The following CCDC175 variants were observed in gnomAD, a reference collection of about 807,000 sequenced individuals.
CCDC175 encodes coiled-coil domain containing 175.
Under a neutral mutation model 114.6 loss-of-function variants are expected in CCDC175, and 100 were observed. The observed-to-expected ratio is 0.87, with a 90% confidence interval of 0.74 to 1.03. The LOEUF (loss-of-function observed/expected upper bound fraction) is 1.03, where lower values mean the gene tolerates loss of function less well. Ranked by LOEUF, CCDC175 falls within the 50% of genes least tolerant of loss-of-function variation. CCDC175 has a pLI of 0.00. For missense variants in CCDC175, 880 were observed against 917.8 expected (o/e 0.96, Z 0.53); for synonymous variants, 306 against 308.7 (o/e 0.99, Z 0.09).
intron 14 of CCDC175, among the ~76,000 whole-genome samples, chr14:59,530,063 G>T (rs1342708423): frequency 6.6e-6 from 1 of 152,054 alleles, no homozygotes; most frequent in Admixed American, 6.5e-5. Flanking sequence ...AGGAAGAATG[G>T]CTGGGAAAGT....
At chr14:59,540,050 G>A (rs747767837) in intron 11 of CCDC175, among the ~76,000 whole-genome samples, 3 of 152,018 alleles carry the variant, frequency 2.0e-5, no homozygotes, top group Non-Finnish European at 2.9e-5. Flanking sequence ...CATCTTGGGC[G>A]ACAGAGCAAG....
chr14:59,535,286 G>A (rs1388620085), intron 13 of CCDC175, among the ~76,000 whole-genome samples: 1 of 152,216 alleles, frequency 6.6e-6, no homozygotes, highest in African/African-American at 2.4e-5. Context: ...GGAGGCTTGT[G>A]TGTAGTGGTT....
rs1392868884 is a variant in CCDC175 at position 59,531,916 on chromosome 14, A to G, written c.1624-6T>C. 7 of 1,095,796 alleles carry G rather than the reference A, an allele frequency of 6.4e-6. No individual in the cohort carries two copies. In the South Asian group the frequency reaches 1.0e-4, roughly 16 times the overall value. The allele number at this position is 1,095,796 out of a possible 1,614,324, so 67.9% of individuals were successfully genotyped here. Reference sequence around the variant, plus strand: ...GTTTCCTTAACAAATATTTCCTTTAAAGAAAATAAAATCAATTGAGAAATA... The same window carrying G: ...GTTTCCTTAACAAATATTTCCTTTAGAGAAAATAAAATCAATTGAGAAATA... On this transcript the variant is annotated splice_region_variant and splice_polypyrimidine_tract_variant and intron_variant, in intron 13 of 19. Transcript: ENST00000537690.
intron 9 of CCDC175, 121 bp downstream of exon 9, chr14:59,545,042 T>G (rs1895019800): frequency 9.7e-7 from 1 of 1,032,236 alleles, no homozygotes; most frequent in African/African-American, 1.6e-5. Context: ...GCAAATGTTT[T>G]CATTTTTGTC....
In CCDC175 at chr14:59,545,193, G is replaced by A. The variant is rs576464899; in HGVS notation, c.1142C>T (p.Ala381Val). Residue 381 changes from alanine (A) to valine (V), a missense_variant, in exon 9 of 20, where the codon GCT becomes GTT. By Grantham distance (64) the Ala-to-Val change is moderately conservative. Transcript: ENST00000537690. ...YKIVLSEEEKAFLQKQKIHDE... is the reference protein window; with the variant it reads ...YKIVLSEEEKVFLQKQKIHDE... ...ATGAATCTTTTGTTTTTGCAAAAAAGCTTTTTCTTCCTCACTTAAAACAAT... is the reference window on the plus strand; with the variant it reads ...ATGAATCTTTTGTTTTTGCAAAAAAACTTTTTCTTCCTCACTTAAAACAAT... The A allele has an allele frequency of 5.9e-6, 9 of 1,536,652 alleles. No individual in the cohort carries two copies. In the South Asian group the frequency reaches 6.0e-5, roughly 10 times the overall value.
At chr14:59,534,091 C>T (rs1327682934) in intron 13 of CCDC175, among the ~76,000 whole-genome samples, 1 of 151,314 alleles carries the variant, frequency 6.6e-6, no homozygotes. Flanking sequence ...TGCATTAATT[C>T]ATTCCATTGC....
chr14:59,551,509 G>T, intron 7 of CCDC175, 73 bp from the exon 8 acceptor site: 1 of 681,128 alleles, frequency 1.5e-6, no homozygotes. Flanking sequence ...TGGCCAAATA[G>T]GAACAGCTGC....
At chr14:59,514,383 G>T (rs1423575605) in intron 17 of CCDC175, among the ~76,000 whole-genome samples, 1 of 152,148 alleles carries the variant, frequency 6.6e-6, no homozygotes, top group East Asian at 1.9e-4. Flanking sequence ...AAAGGTGGAA[G>T]TTCAAACCCA....
chr14:59,570,734 C>CT (rs1896801304), intron 3 of CCDC175, among the ~76,000 whole-genome samples: 1 of 49,074 alleles, frequency 2.0e-5, no homozygotes, highest in Admixed American at 2.8e-4. Flanking sequence ...AAGCCTCTCT[C>CT]TTTTGTTTTT....
At position 59,531,799 on chromosome 14, in the gene CCDC175, A is replaced by G. The variant is rs919553997; in HGVS notation, c.1735T>C (p.Leu579=). 15 of 1,501,354 alleles carry G rather than the reference A, an allele frequency of 1.0e-5. No homozygotes were observed. Among genetic ancestry groups the G allele is most frequent in the African/African-American group, 1.4e-5 (1 of 71,906 alleles). 93.0% of individuals were successfully genotyped at this position (1,501,354 alleles called of 1,614,324 possible). Residue 579 remains leucine (L), a synonymous_variant, in exon 14 of 20, where the codon TTA becomes CTA. Transcript: ENST00000537690. Reference sequence around the variant, plus strand: ...GTAATAATATTACTGAGCTCTTCTAACTTTCTTCTTTTCTCTTTATACTCT... The same window carrying G: ...GTAATAATATTACTGAGCTCTTCTAGCTTTCTTCTTTTCTCTTTATACTCT... ...EQEYKEKRRK[L]EELSNIITAQ...
intron 14 of CCDC175, among the ~76,000 whole-genome samples, chr14:59,528,683 T>C (rs1462186590): frequency 6.6e-6 from 1 of 152,084 alleles, no homozygotes; most frequent in Non-Finnish European, 1.5e-5. Context: ...TTTTTTCTGG[T>C]CTTGTTTGGT....
chr14:59,546,544 T>G (rs534300616), intron 8 of CCDC175, among the ~76,000 whole-genome samples: 2 of 152,316 alleles, frequency 1.3e-5, no homozygotes, highest in East Asian at 3.9e-4. Context: ...GCGGTAAGGC[T>G]AGCACTTAAA....
intron 2 of CCDC175, 72 bp from the exon 3 acceptor site, chr14:59,572,885 C>A: frequency 8.3e-6 from 7 of 845,130 alleles, no homozygotes; most frequent in Non-Finnish European, 1.2e-5. Flanking sequence ...AAACAATGCC[C>A]TACAAATGTT....
chr14:59,545,445 T>C (rs1276653109), intron 8 of CCDC175, 146 bp from the exon 9 acceptor site: 2 of 635,664 alleles, frequency 3.1e-6, no homozygotes, highest in African/African-American at 3.7e-5. Context: ...TTTAATTCTA[T>C]AGCAAACATA....
chr14:59,521,578 C>A lies in CCDC175; in HGVS notation c.2094G>T (p.Gln698His). 6.6e-7 allele frequency: 1 copy of A among 1,522,180 alleles called. No homozygotes were observed. The allele number at this position is 1,522,180 out of a possible 1,614,324, so 94.3% of individuals were successfully genotyped here. Residue 698 changes from glutamine (Q) to histidine (H), a missense_variant, in exon 17 of 20, where the codon CAG (glutamine) becomes CAT (histidine). Gln to His is a conservative substitution (Grantham distance 24, BLOSUM62 0). Coordinates refer to ENST00000537690, the MANE Select transcript of CCDC175 (RefSeq NM_001164399.2). ...SSDLSRQLIA[Q>H]EAQYKDLWAE... ...AAGCACCCACACATTACTTACCCTCCTGAGCTATTAGTTGCCGAGACAAGT... is the reference window on the plus strand; with the variant it reads ...AAGCACCCACACATTACTTACCCTCATGAGCTATTAGTTGCCGAGACAAGT...
intron 16 of CCDC175, among the ~76,000 whole-genome samples, chr14:59,523,840 T>G (rs1180796457): frequency 6.6e-6 from 1 of 151,922 alleles, no homozygotes; most frequent in Admixed American, 6.6e-5. Flanking sequence ...ATACAAAAAA[T>G]TAGCCGGGCA....
At chr14:59,535,989 C>T (rs1220310771) in intron 13 of CCDC175, among the ~76,000 whole-genome samples, 1 of 152,236 alleles carries the variant, frequency 6.6e-6, no homozygotes, top group Non-Finnish European at 1.5e-5. Context: ...CAGTCCTCTT[C>T]TAACAGGCAA....
At chr14:59,537,420 A>C (rs1296454067) in intron 13 of CCDC175, among the ~76,000 whole-genome samples, 2 of 152,162 alleles carry the variant, frequency 1.3e-5, no homozygotes, top group Non-Finnish European at 1.5e-5. Flanking sequence ...TGGTGTGGCC[A>C]AGACCTCTTC....
At chr14:59,548,089 A>G (rs895723153) in intron 8 of CCDC175, among the ~76,000 whole-genome samples, 1 of 152,198 alleles carries the variant, frequency 6.6e-6, no homozygotes, top group Non-Finnish European at 1.5e-5. Context: ...AAGAAAATGT[A>G]TACATGCACA....
Sources: gnomAD v4.1 joint callset for allele counts (sites outside exome capture counted in the v4.1 genomes callset) on GRCh38, gnomAD v4.1.1 for gene constraint, MANE v1.5 for transcripts, NCBI Gene and HGNC (gene_info 2026-07-23, HGNC 2026-07-21) for gene names.